THEMIS: variants seen among roughly 807,000 people sequenced by gnomAD.
THEMIS encodes the protein protein THEMIS.
THEMIS carries 37 observed loss-of-function variants against 52.6 expected under a neutral mutation model. The ratio of observed to expected loss-of-function variants is 0.70; its 90% confidence interval spans 0.54 to 0.93. The LOEUF (loss-of-function observed/expected upper bound fraction) is 0.93, where lower values mean the gene tolerates loss of function less well. Ranked by LOEUF, THEMIS falls within the 40% of genes least tolerant of loss-of-function variation. The pLI is 0.00. For synonymous variants in THEMIS, 292 were observed against 272.7 expected (o/e 1.07, Z -0.70); for missense variants, 808 against 763.1 (o/e 1.06, Z -0.69).
chr6:127,855,753 T>C (rs1003160946), intron 1 of THEMIS, among the ~76,000 whole-genome samples: 2 of 151,982 alleles, frequency 1.3e-5, no homozygotes, highest in Admixed American at 6.6e-5. Context: ...TTTGTGGCGA[T>C]AGGGGGCAGA....
chr6:127,813,543 G>A lies in THEMIS; in HGVS notation c.1098C>T (p.His366=), dbSNP rs1314286206. The A allele has an allele frequency of 2.5e-6, 4 of 1,613,312 alleles. No homozygotes were observed. Among genetic ancestry groups the A allele is most frequent in the Admixed American group, 1.7e-5 (1 of 59,854 alleles). The part of the protein sequence containing the change: ...EIAKSEKEPL[H]VVATKAFHSP... ...AATGAAACGCTTTGGTGGCCACCACGTGAAGAGGCTCCTTTTCACTCTTAG... is the reference window on the plus strand; with the variant it reads ...AATGAAACGCTTTGGTGGCCACCACATGAAGAGGCTCCTTTTCACTCTTAG... Residue 366 remains histidine (H), a synonymous_variant, in exon 4 of 6, where the codon CAC becomes CAT. Transcript: ENST00000368248.
chr6:127,852,820 TATA>T (rs1317587234), intron 2 of THEMIS, among the ~76,000 whole-genome samples: 3 of 151,564 alleles, frequency 2.0e-5, no homozygotes, highest in Non-Finnish European at 1.5e-5. Flanking sequence ...AGAAAGAAAC[TATA>T]CCCTGACCAG....
At chr6:127,780,992 A>G (rs1257223495) in intron 4 of THEMIS, among the ~76,000 whole-genome samples, 1 of 152,086 alleles carries the variant, frequency 6.6e-6, no homozygotes, top group Non-Finnish European at 1.5e-5. Flanking sequence ...TGTGTTTTCC[A>G]ACTTGGTTCC....
chr6:127,766,702 A>G (rs1318549012), intron 4 of THEMIS, among the ~76,000 whole-genome samples: 2 of 152,216 alleles, frequency 1.3e-5, no homozygotes, highest in South Asian at 2.1e-4. Context: ...GTGGTAACAC[A>G]ATGGTAAGTA....
chr6:127,883,799 G>C (rs1353350280), intron 1 of THEMIS, among the ~76,000 whole-genome samples: 11 of 152,094 alleles, frequency 7.2e-5, no homozygotes, highest in Non-Finnish European at 1.3e-4. Context: ...CACATTTAAG[G>C]TAGGCTAGGC....
chr6:127,911,752 C>T (rs1428061402), intron 1 of THEMIS, among the ~76,000 whole-genome samples: 1 of 151,426 alleles, frequency 6.6e-6, no homozygotes, highest in Non-Finnish European at 1.5e-5. Flanking sequence ...GCCAGGATGT[C>T]CAGGCAGAAG....
intron 1 of THEMIS, among the ~76,000 whole-genome samples, chr6:127,914,617 A>G (rs552397613): frequency 1.1e-4 from 16 of 152,298 alleles, no homozygotes; most frequent in African/African-American, 3.4e-4. Flanking sequence ...GTGTCTAGAC[A>G]TATCTAAACA....
intron 3 of THEMIS, among the ~76,000 whole-genome samples, chr6:127,817,423 A>C (rs1317909607): frequency 1.3e-5 from 2 of 152,204 alleles, no homozygotes; most frequent in East Asian, 3.8e-4. Context: ...TTAAGGTTGC[A>C]GTTTCACTTA....
chr6:127,806,986 A>C (rs1227606246), intron 4 of THEMIS, among the ~76,000 whole-genome samples: 1 of 152,176 alleles, frequency 6.6e-6, no homozygotes, highest in Non-Finnish European at 1.5e-5. Context: ...TTACTAGACA[A>C]CAGACCTCTG....
chr6:127,747,418 T>G (rs1180744398), intron 4 of THEMIS, among the ~76,000 whole-genome samples: 1 of 147,260 alleles, frequency 6.8e-6, no homozygotes, highest in Non-Finnish European at 1.5e-5. Flanking sequence ...TAGATGTAGA[T>G]ATGAATTATA....
At chr6:127,795,047 C>G (rs1777281547) in intron 4 of THEMIS, among the ~76,000 whole-genome samples, 1 of 152,144 alleles carries the variant, frequency 6.6e-6, no homozygotes, top group East Asian at 1.9e-4. Flanking sequence ...TGGTTTTATT[C>G]AGATGTGAGA....
intron 4 of THEMIS, among the ~76,000 whole-genome samples, chr6:127,722,436 A>G (rs1774393440): frequency 6.6e-6 from 1 of 151,760 alleles, no homozygotes; most frequent in African/African-American, 2.4e-5. Flanking sequence ...ACTGCCCTCC[A>G]CTAACCCTCA....
At chr6:127,718,474 G>C (rs1583194583) in intron 5 of THEMIS, among the ~76,000 whole-genome samples, 1 of 152,030 alleles carries the variant, frequency 6.6e-6, no homozygotes, top group East Asian at 1.9e-4. Context: ...GACTACTGCT[G>C]TACCATCCCA....
chr6:127,737,957 AAG>A (rs1157896127), intron 4 of THEMIS, among the ~76,000 whole-genome samples: 1 of 152,168 alleles, frequency 6.6e-6, no homozygotes, highest in African/African-American at 2.4e-5. Flanking sequence ...GCTTTAGGGA[AAG>A]AGACTTCAAG....
intron 2 of THEMIS, among the ~76,000 whole-genome samples, chr6:127,830,856 T>C (rs941762244): frequency 4.6e-5 from 7 of 152,182 alleles, no homozygotes; most frequent in African/African-American, 1.4e-4. Context: ...AAAAAGTATG[T>C]GCATAGGTCC....
chr6:127,863,232 C>G (rs1779866205), intron 1 of THEMIS, among the ~76,000 whole-genome samples: 2 of 152,164 alleles, frequency 1.3e-5, no homozygotes, highest in African/African-American at 2.4e-5. Flanking sequence ...CTTTGACGAT[C>G]TCTCGAATCA....
intron 1 of THEMIS, among the ~76,000 whole-genome samples, chr6:127,863,738 C>T (rs1779883692): frequency 6.6e-6 from 1 of 152,032 alleles, no homozygotes; most frequent in African/African-American, 2.4e-5. Flanking sequence ...CTTAAGTGTT[C>T]CAGGAAAGAC....
chr6:127,898,899 T>C (rs1781051006), intron 1 of THEMIS, among the ~76,000 whole-genome samples: 1 of 151,826 alleles, frequency 6.6e-6, no homozygotes, highest in Non-Finnish European at 1.5e-5. Flanking sequence ...TTCTCATTAA[T>C]TTGTGGGAGC....
intron 4 of THEMIS, among the ~76,000 whole-genome samples, chr6:127,765,189 T>C (rs1776155576): frequency 6.6e-6 from 1 of 152,128 alleles, no homozygotes; most frequent in South Asian, 2.1e-4. Context: ...AAATCGTATA[T>C]AAAGTCATTT....
Sources: allele counts gnomAD v4.1 joint callset (sites outside exome capture counted in the v4.1 genomes callset), GRCh38; gene constraint gnomAD v4.1.1; transcripts MANE v1.5; gene names NCBI Gene and HGNC (gene_info 2026-07-23, HGNC 2026-07-21).